The following ADCY5 variants were observed in gnomAD, a reference collection of about 807,000 sequenced individuals.
ADCY5 encodes the protein adenylate cyclase type 5.
In ADCY5, 30 loss-of-function variants were observed where a neutral mutation model predicts 119.7. That is an observed-to-expected ratio of 0.25 (90% confidence interval 0.19 to 0.34). The LOEUF (loss-of-function observed/expected upper bound fraction) is 0.34. ADCY5 is among the 10% of genes least tolerant of loss of function. The pLI is 1.00. For missense variants in ADCY5, 1,324 were observed against 1,775.2 expected, an observed-to-expected ratio of 0.75 and a Z score of 4.57; for synonymous variants, 753 against 762.2, an observed-to-expected ratio of 0.99 and a Z score of 0.20.
intron 14 of ADCY5, among the ~76,000 whole-genome samples, chr3:123,302,137 C>T (rs1939887042): frequency 6.6e-6 from 1 of 152,192 alleles, no homozygotes; most frequent in Non-Finnish European, 1.5e-5. Context: ...AGGCAAACTG[C>T]CCCCATCTTA....
chr3:123,355,384 A>G (rs1269746913), intron 1 of ADCY5, among the ~76,000 whole-genome samples: 1 of 152,196 alleles, frequency 6.6e-6, no homozygotes, highest in Non-Finnish European at 1.5e-5. Context: ...TGTAGGTTCA[A>G]CCAACCTTGG....
intron 1 of ADCY5, among the ~76,000 whole-genome samples, chr3:123,396,779 A>AG (rs1944594566): frequency 1.4e-5 from 1 of 69,904 alleles, no homozygotes; most frequent in African/African-American, 6.0e-5. Context: ...GGAAGGAAGG[A>AG]AGGCAGGCAG....
At chr3:123,367,923 C>A in intron 1 of ADCY5, 1 of 1,535,802 alleles carries the variant, frequency 6.5e-7, no homozygotes, top group Non-Finnish European at 8.7e-7. Context: ...GAGTGCGGAA[C>A]CTAGATGGGG....
chr3:123,433,136 A>G (rs898770530), intron 1 of ADCY5, among the ~76,000 whole-genome samples: 1 of 152,248 alleles, frequency 6.6e-6, no homozygotes, highest in Non-Finnish European at 1.5e-5. Context: ...ACAAACCAGC[A>G]TAAGTGCTAC....
At chr3:123,318,200 A>T in intron 10 of ADCY5, 83 bp from the exon 11 acceptor site, 1 of 1,074,568 alleles carries the variant, frequency 9.3e-7, no homozygotes, top group Non-Finnish European at 1.4e-6. Context: ...ACACCCAGGG[A>T]AGCCACTCAT....
In ADCY5 at chr3:123,282,465, G is replaced by C. The variant is rs1938436106; in HGVS notation, c.*2143C>G. Reference sequence around the variant, plus strand: ...TGCACACTGTCACCAGTCACTGCTGGGATGGGAGAGGGGTCCCCATGGGGC... The same window carrying C: ...TGCACACTGTCACCAGTCACTGCTGCGATGGGAGAGGGGTCCCCATGGGGC... On this transcript the variant is annotated 3_prime_UTR_variant, in exon 21 of 21. Coordinates refer to ENST00000462833, the MANE Select transcript of ADCY5 (RefSeq NM_183357.3). 6.6e-6 allele frequency: 1 copy of C among 152,402 alleles called. No homozygotes were observed. The highest frequency in any genetic ancestry group is 2.1e-4 in the South Asian group (1 of 4,832). 9.4% of individuals were successfully genotyped at this position (152,402 alleles called of 1,614,324 possible).
In ADCY5 at chr3:123,282,401, G is replaced by A. The variant is rs1168738403; in HGVS notation, c.*2207C>T. Reference sequence around the variant, plus strand: ...TTGCAAGAGTAGGAATAAAAAGAGTGCACACCCTTTAGAGGGAACGAAGAG... The same window carrying A: ...TTGCAAGAGTAGGAATAAAAAGAGTACACACCCTTTAGAGGGAACGAAGAG... On this transcript the variant is annotated 3_prime_UTR_variant, in exon 21 of 21. Transcript: ENST00000462833. 6.6e-6 allele frequency: 1 copy of A among 152,276 alleles called. No individual in the cohort carries two copies. The highest frequency in any genetic ancestry group is 6.5e-5 in the Admixed American group (1 of 15,284). The allele number at this position is 152,276 out of a possible 1,614,324, so 9.4% of individuals were successfully genotyped here.
At chr3:123,416,086 C>A (rs1945177891) in intron 1 of ADCY5, 1 of 1,364,662 alleles carries the variant, frequency 7.3e-7, no homozygotes, top group African/African-American at 1.4e-5. Flanking sequence ...GTACAGGCCC[C>A]AGGTGAGGTG....
At chr3:123,437,326 C>T (rs982087507) in intron 1 of ADCY5, among the ~76,000 whole-genome samples, 10 of 152,266 alleles carry the variant, frequency 6.6e-5, no homozygotes, top group Non-Finnish European at 1.2e-4. Flanking sequence ...ACCCTATCAG[C>T]AGGCCCCAAG....
intron 3 of ADCY5, among the ~76,000 whole-genome samples, chr3:123,343,481 A>AGGTGCTCATCTTGGTCCAGTG (rs1942381095): frequency 6.6e-6 from 1 of 152,158 alleles, no homozygotes; most frequent in Admixed American, 6.5e-5. Context: ...TGCTTAACAC[A>AGGTGCTCATCTTGGTCCAGTG]GGTGCTCATC....
At chr3:123,330,807 T>C (rs1020256460) in intron 5 of ADCY5, 82 bp downstream of exon 5, 6 of 1,476,648 alleles carry the variant, frequency 4.1e-6, no homozygotes, top group Admixed American at 2.3e-5. Flanking sequence ...TGCCTCCAAC[T>C]AGGCAGCCGG....
rs147941299 is a variant in ADCY5, at chr3:123,317,446, G to A, written c.2354+574C>T. Among the ~76,000 whole-genome samples the A allele has an allele frequency of 2.2e-3, 333 of 152,048 alleles. 3 individuals are homozygous for A. The highest frequency in any genetic ancestry group is 0.015 in the South Asian group (70 of 4,810). On this transcript the variant is annotated intron_variant, in intron 11 of 20. Coordinates refer to ENST00000462833, the MANE Select transcript of ADCY5 (RefSeq NM_183357.3). ...CGAGACAATTAAGTGATAAAAAGGCGTCTCTTGACCAGGCGTGGTGGCTCA... is the reference window on the plus strand; with the variant it reads ...CGAGACAATTAAGTGATAAAAAGGCATCTCTTGACCAGGCGTGGTGGCTCA...
chr3:123,351,051 A>G (rs1303779270), intron 2 of ADCY5, among the ~76,000 whole-genome samples: 1 of 152,090 alleles, frequency 6.6e-6, no homozygotes, highest in Non-Finnish European at 1.5e-5. Flanking sequence ...TTCCTTCAAG[A>G]TGCTGGACCA....
At position 123,319,368 on chromosome 3, in the gene ADCY5, T is replaced by A. The variant is rs1303818284; in HGVS notation, c.2256+306A>T. The stretch of plus-strand genomic sequence containing the variant: ...AACTCCGTCTCAAAAAAAAAAAAAA[T>A]GAAAAAAGAAAAAAAAAAAGAAACT... On this transcript the variant is annotated intron_variant, in intron 10 of 20. Coordinates refer to ENST00000462833, the MANE Select transcript of ADCY5 (RefSeq NM_183357.3). Among the ~76,000 whole-genome samples the A allele has an allele frequency of 2.8e-3, 340 of 123,418 alleles. 1 individual carries two copies. The highest frequency in any genetic ancestry group is 7.6e-3 in the African/African-American group (240 of 31,376). 81.0% of individuals were successfully genotyped at this position (123,418 alleles called of 152,430 possible). A position where few individuals can be genotyped will look rare whatever the true frequency, so the allele number is the denominator to read the frequency against.
rs544222880 is a variant in ADCY5 at position 123,305,144 on chromosome 3, T to C, written c.2443-961A>G. Among the ~76,000 whole-genome samples, 256 of 152,278 alleles carry C rather than the reference T, an allele frequency of 1.7e-3. 1 individual carries two copies. Among genetic ancestry groups the C allele is most frequent in the Middle Eastern group, 3.4e-3 (1 of 294 alleles). ...CCTGTGTGTTCCTGAGCAAGCCGCATCCCATCTCTGAAGTCTCCTATTTGT... is the reference window on the plus strand; with the variant it reads ...CCTGTGTGTTCCTGAGCAAGCCGCACCCCATCTCTGAAGTCTCCTATTTGT... On this transcript the variant is annotated intron_variant, in intron 12 of 20. Coordinates refer to ENST00000462833, the MANE Select transcript of ADCY5 (RefSeq NM_183357.3).
rs1403348266 is a variant in ADCY5 at position 123,447,596 on chromosome 3, A to C, written c.950T>G (p.Leu317Arg). Reference protein sequence around the residue: ...AVVLAVQVVGLLLPQPRSASE... With the variant: ...AVVLAVQVVGRLLPQPRSASE... ...GGCGCTGCGTGGCTGCGGCAGCAGC[A>C]GGCCCACCACCTGGACGGCCAGCAC... The change falls in exon 1 of 21, where the codon CTG becomes CGG. Residue 317 changes from leucine (L) to arginine (R), a missense_variant. This residue lies in a region of ADCY5 where 585 missense variants were observed against 569.9 expected (regional missense o/e 1.03). Transcript: ENST00000462833. 3 of 1,607,894 alleles carry C rather than the reference A, an allele frequency of 1.9e-6. No homozygotes were observed. The South Asian group carries it at 3.3e-5, about 18-fold the overall frequency.
At chr3:123,331,081 G>A (rs1047997834) in intron 4 of ADCY5, 65 bp from the exon 5 acceptor site, 53 of 1,536,842 alleles carry the variant, frequency 3.4e-5, no homozygotes, top group Non-Finnish European at 4.3e-5. Context: ...GGAAAGAAAC[G>A]AGAAGCAAAA....
intron 1 of ADCY5, among the ~76,000 whole-genome samples, chr3:123,358,195 T>TGTGTGTGTGTGTGTGTATGTGTGTGTGA (rs58986112): frequency 6.7e-6 from 1 of 149,080 alleles, no homozygotes; most frequent in African/African-American, 2.5e-5. Context: ...TGTGTGTGTG[T>TGTGTGTGTGTGTGTGTATGTGTGTGTGA]AGGGAGTTGG....
chr3:123,286,635 G>A lies in ADCY5; in HGVS notation c.3657+50C>T. On this transcript the variant is annotated intron_variant, in intron 20 of 20. Transcript: ENST00000462833. The surrounding 1 kb of genome is among the most constrained non-coding windows in gnomAD (Gnocchi z 4.2). ...CTGCCCTGAAGACCTCTCGGTGTCA[G>A]ACACAGGACCTCCCATGGGGTGAGG... 1 of 1,540,390 alleles carries A rather than the reference G, an allele frequency of 6.5e-7. No homozygotes were observed. The highest frequency in any genetic ancestry group is 8.7e-7 in the Non-Finnish European group (1 of 1,148,618).
Sources: allele counts gnomAD v4.1 joint callset (sites outside exome capture counted in the v4.1 genomes callset), GRCh38; gene constraint gnomAD v4.1.1; regional missense constraint gnomAD v4.1.1; non-coding constraint Gnocchi (gnomAD v3.1); transcripts MANE v1.5; gene names NCBI Gene and HGNC (gene_info 2026-07-23, HGNC 2026-07-21).